The following PTPRT variants were observed in gnomAD, a reference collection of about 807,000 sequenced individuals.
PTPRT encodes the protein receptor-type tyrosine-protein phosphatase T.
In PTPRT, 56 loss-of-function variants were observed where a neutral mutation model predicts 176.8. The ratio of observed to expected loss-of-function variants is 0.32; its 90% CI spans 0.26 to 0.40. The LOEUF is 0.40. PTPRT is among the 10% of genes least tolerant of loss of function. PTPRT has a pLI of 1.00. For missense variants in PTPRT, 1,540 were observed against 1,908.2 expected, an observed-to-expected ratio of 0.81 and a Z score of 3.60; for synonymous variants, 783 against 739.0, an observed-to-expected ratio of 1.06 and a Z score of -0.96.
chr20:42,242,913 A>G (rs2056381262), intron 14 of PTPRT, among the ~76,000 whole-genome samples: 1 of 151,994 alleles, frequency 6.6e-6, no homozygotes. Context: ...TGCTGACTAC[A>G]GTATGGAGGA....
intron 7 of PTPRT, among the ~76,000 whole-genome samples, chr20:42,551,470 T>C (rs931570946): frequency 5.9e-5 from 9 of 152,206 alleles, no homozygotes; most frequent in Non-Finnish European, 1.2e-4. Flanking sequence ...TACACTATTT[T>C]CTATAAAAAT....
At chr20:42,845,864 G>C (rs1009542059) in intron 2 of PTPRT, among the ~76,000 whole-genome samples, 2 of 152,192 alleles carry the variant, frequency 1.3e-5, no homozygotes, top group African/African-American at 4.8e-5. Context: ...CCTCCAGCTG[G>C]TCCAGGGCTC....
chr20:42,985,185 G>A (rs1487572434), intron 1 of PTPRT, among the ~76,000 whole-genome samples: 1 of 152,092 alleles, frequency 6.6e-6, no homozygotes. Flanking sequence ...GCAACTCCAT[G>A]CCAGGCCCTG....
chr20:42,881,911 G>A (rs2079018330), intron 2 of PTPRT, among the ~76,000 whole-genome samples: 2 of 152,048 alleles, frequency 1.3e-5, no homozygotes, highest in Admixed American at 1.3e-4. Flanking sequence ...GTATGAGAGA[G>A]GAGAAGAAAA....
intron 6 of PTPRT, among the ~76,000 whole-genome samples, chr20:42,700,608 C>T (rs2075960736): frequency 1.3e-5 from 2 of 152,130 alleles, no homozygotes; most frequent in Non-Finnish European, 2.9e-5. Context: ...AATAGAATTC[C>T]TCGCATCCCT....
intron 7 of PTPRT, among the ~76,000 whole-genome samples, chr20:42,527,021 T>C (rs1166803770): frequency 2.8e-5 from 4 of 141,928 alleles, no homozygotes; most frequent in Non-Finnish European, 6.0e-5. Context: ...TGGAGTGCAG[T>C]GGCACGATCT....
chr20:42,075,007 C>T lies in PTPRT; in HGVS notation c.*5872G>A. On this transcript the variant is annotated 3_prime_UTR_variant, in exon 31 of 31. Transcript: ENST00000373187. Reference sequence around the variant, plus strand: ...TGGAGCTAGAACAGCTCCCCCCACACTCCACCACTAACCTCTCTCCCTGCT... The same window carrying T: ...TGGAGCTAGAACAGCTCCCCCCACATTCCACCACTAACCTCTCTCCCTGCT... 1 of 392,842 alleles carries T rather than the reference C, an allele frequency of 2.5e-6. No homozygotes were observed. Among genetic ancestry groups the T allele is most frequent in the Non-Finnish European group, 4.5e-6 (1 of 223,952 alleles). The allele number at this position is 392,842 out of a possible 1,614,324, so 24.3% of individuals were successfully genotyped here. A position where few individuals can be genotyped will look rare whatever the true frequency, so the allele number is the denominator to read the frequency against.
intron 19 of PTPRT, 99 bp from the exon 20 acceptor site, chr20:42,120,070 G>A: frequency 1.8e-6 from 2 of 1,085,092 alleles, no homozygotes; most frequent in South Asian, 1.6e-5. Context: ...ATTTTCTCAT[G>A]GGCAAAATGA....
intron 7 of PTPRT, among the ~76,000 whole-genome samples, chr20:42,623,551 T>C (rs544960464): frequency 6.6e-6 from 1 of 152,320 alleles, no homozygotes; most frequent in South Asian, 2.1e-4. Context: ...TGGGATGAAA[T>C]GGTGATAGAA....
At chr20:42,182,299 C>T (rs1345273678) in intron 16 of PTPRT, among the ~76,000 whole-genome samples, 1 of 152,058 alleles carries the variant, frequency 6.6e-6, no homozygotes, top group Non-Finnish European at 1.5e-5. Context: ...TTGAAGAACA[C>T]GCTAGGCAAA....
At chr20:42,330,702 G>T (rs1467676401) in intron 11 of PTPRT, among the ~76,000 whole-genome samples, 1 of 152,064 alleles carries the variant, frequency 6.6e-6, no homozygotes, top group Non-Finnish European at 1.5e-5. Context: ...AACATAGTGA[G>T]ACCCCATCTC....
chr20:42,359,099 A>G (rs1160441537), intron 9 of PTPRT, among the ~76,000 whole-genome samples: 6 of 152,194 alleles, frequency 3.9e-5, no homozygotes, highest in Admixed American at 3.9e-4. Context: ...TCATGAGTCT[A>G]TCCCAGACCT....
rs534068445 is a variant in PTPRT, at chr20:42,188,683, C to G, written c.2491+10557G>C. Among the ~76,000 whole-genome samples the G allele has an allele frequency of 2.6e-5, 4 of 152,252 alleles. No homozygotes were observed. In the South Asian group the frequency reaches 8.3e-4, roughly 32 times the overall value. Reference sequence around the variant, plus strand: ...CTACCTAGCAACTATATATTTACATCGTCAACATCACTTCTTTATCCCTGA... The same window carrying G: ...CTACCTAGCAACTATATATTTACATGGTCAACATCACTTCTTTATCCCTGA... On this transcript the variant is annotated intron_variant, in intron 16 of 30. Transcript: ENST00000373187.
chr20:42,508,265 G>A (rs1033202591), intron 7 of PTPRT, among the ~76,000 whole-genome samples: 2 of 151,722 alleles, frequency 1.3e-5, no homozygotes, highest in African/African-American at 2.4e-5. Flanking sequence ...TTCTAGGAGC[G>A]CCTGCTGAAT....
intron 4 of PTPRT, among the ~76,000 whole-genome samples, chr20:42,777,817 C>G (rs2077158909): frequency 6.6e-6 from 1 of 152,184 alleles, no homozygotes; most frequent in South Asian, 2.1e-4. Context: ...TGTGGATATA[C>G]CTCAGGCATT....
intron 6 of PTPRT, among the ~76,000 whole-genome samples, chr20:42,726,010 T>C (rs2076373482): frequency 6.6e-6 from 1 of 151,786 alleles, no homozygotes. Flanking sequence ...CCTTCTGCTA[T>C]GTGAGAGAAT....
At chr20:42,460,229 G>T (rs959496249) in intron 8 of PTPRT, among the ~76,000 whole-genome samples, 1 of 152,166 alleles carries the variant, frequency 6.6e-6, no homozygotes, top group African/African-American at 2.4e-5. Context: ...TTTTAAAGCC[G>T]GGAGACTAGA....
At chr20:42,159,556 A>C (rs1989500911) in intron 17 of PTPRT, among the ~76,000 whole-genome samples, 1 of 152,174 alleles carries the variant, frequency 6.6e-6, no homozygotes, top group African/African-American at 2.4e-5. Context: ...GACTGGGACC[A>C]TTCAACCCCC....
At chr20:42,243,922 G>C (rs564792583) in intron 14 of PTPRT, among the ~76,000 whole-genome samples, 1 of 152,340 alleles carries the variant, frequency 6.6e-6, no homozygotes, top group East Asian at 1.9e-4. Context: ...AATTATGTCA[G>C]TGTGTGAGCA....
Sources: gnomAD v4.1 joint callset for allele counts (sites outside exome capture counted in the v4.1 genomes callset) on GRCh38, gnomAD v4.1.1 for gene constraint, MANE v1.5 for transcripts, NCBI Gene and HGNC (gene_info 2026-07-23, HGNC 2026-07-21) for gene names.